The following VCP variants were observed in gnomAD, a reference collection of about 807,000 sequenced individuals.
VCP encodes the protein valosin containing protein.
VCP carries 6 observed loss-of-function variants against 85.7 expected under a neutral mutation model. The ratio of observed to expected loss-of-function variants is 0.07; its 90% CI spans 0.04 to 0.14. The LOEUF (loss-of-function observed/expected upper bound fraction) is 0.14. VCP is among the 10% of genes least tolerant of loss of function. VCP has a pLI of 1.00. For missense variants in VCP, 353 were observed against 1,043.4 expected, an observed-to-expected ratio of 0.34 and a Z score of 9.12; for synonymous variants, 384 against 367.1, an observed-to-expected ratio of 1.05 and a Z score of -0.53.
chr9:35,059,431 A>G lies in VCP; in HGVS notation c.2004+62T>C. 2.5e-6 allele frequency: 4 copies of G among 1,597,768 alleles called. No homozygotes were observed. The highest frequency in any genetic ancestry group is 1.1e-5 in the South Asian group (1 of 89,386). ...GTGGAATCTTGTCCAGAAACTAAAG[A>G]GCACTCCGTACCAGCCTGAGGACTC... is the stretch of plus-strand genomic sequence containing the variant. On this transcript the variant is annotated intron_variant, in intron 14 of 16. Transcript: ENST00000358901. This position sits in a 1 kb window ranked among gnomAD's most constrained non-coding sequence, Gnocchi z 4.9.
rs753820642 is a variant in VCP, at chr9:35,057,474, G to A, written c.2217C>T (p.Ala739=). The A allele has an allele frequency of 6.2e-7, 1 of 1,614,052 alleles. No homozygotes were observed. Among genetic ancestry groups the A allele is most frequent in the Non-Finnish European group, 8.5e-7 (1 of 1,180,042 alleles). ...TGACAGAACGGCGCGCAAAGCGCAT[G>A]GCTTCTTCAAAGTGATCTCGACGGA... is the stretch of plus-strand genomic sequence containing the variant. The part of the protein sequence containing the change: ...PEIRRDHFEE[A]MRFARRSVSD... Residue 739 remains alanine (A), a synonymous_variant, in exon 16 of 17, where the codon GCC becomes GCT. Coordinates refer to ENST00000358901, the MANE Select transcript of VCP (RefSeq NM_007126.5).
intron 1 of VCP, among the ~76,000 whole-genome samples, chr9:35,070,272 T>C (rs926615689): frequency 6.6e-6 from 1 of 152,094 alleles, no homozygotes; most frequent in Non-Finnish European, 1.5e-5. Context: ...ATCAACACAC[T>C]AGAGGCCAAG....
rs370700002 is a variant in VCP at position 35,065,385 on chromosome 9, C to A, written c.446-4G>T. On this transcript the variant is annotated splice_region_variant and splice_polypyrimidine_tract_variant and intron_variant, in intron 4 of 16. Coordinates refer to ENST00000358901, the MANE Select transcript of VCP (RefSeq NM_007126.5). ...CCACGGACAAGAAAAATGTCTCCTG[C>A]GAGAGCAAACAGTACAAGCACAGTT... 3 of 1,614,044 alleles carry A rather than the reference C, an allele frequency of 1.9e-6. No homozygotes were observed. The highest frequency in any genetic ancestry group is 1.7e-6 in the Non-Finnish European group (2 of 1,179,962).
Position 35,061,574 on chromosome 9 carries a change from C to T in VCP, c.1194+3G>A, listed in dbSNP as rs183223259. 265 of 1,613,382 alleles carry T rather than the reference C, an allele frequency of 1.6e-4. No individual in the cohort carries two copies. Among genetic ancestry groups the T allele is most frequent in the Non-Finnish European group, 1.8e-4 (209 of 1,179,254 alleles). On this transcript the variant is annotated splice_donor_region_variant and intron_variant, in intron 10 of 16. Transcript: ENST00000358901. ...GCCTGGTCAGCCATCATCATCACTT[C>T]ACCTGTTCCAGGTCCACATCATCTG...
intron 1 of VCP, 45 bp downstream of exon 1, chr9:35,072,292 C>T: frequency 1.3e-6 from 2 of 1,483,212 alleles, no homozygotes; most frequent in South Asian, 1.3e-5. Flanking sequence ...GCGGCTGGTC[C>T]CGGTGCGCGC....
intron 1 of VCP, among the ~76,000 whole-genome samples, chr9:35,069,664 C>T (rs1432623757): frequency 6.6e-6 from 1 of 152,118 alleles, no homozygotes; most frequent in African/African-American, 2.4e-5. Flanking sequence ...GGTGGTCAGG[C>T]TGGTCTCGAA....
chr9:35,062,206 T>G lies in VCP; in HGVS notation c.945+11A>C. Reference sequence around the variant, plus strand: ...TTCAACCCCCCTCTATCCCCTCAGGTAAGCTCCTACTTTCTCTCTTTTGGG... The same window carrying G: ...TTCAACCCCCCTCTATCCCCTCAGGGAAGCTCCTACTTTCTCTCTTTTGGG... On this transcript the variant is annotated intron_variant, in intron 8 of 16. Coordinates refer to ENST00000358901, the MANE Select transcript of VCP (RefSeq NM_007126.5). 1 of 1,614,088 alleles carries G rather than the reference T, an allele frequency of 6.2e-7. No homozygotes were observed. The highest frequency in any genetic ancestry group is 8.5e-7 in the Non-Finnish European group (1 of 1,180,012).
intron 3 of VCP, 115 bp downstream of exon 3, chr9:35,067,776 T>G: frequency 7.3e-7 from 1 of 1,374,922 alleles, no homozygotes; most frequent in South Asian, 1.2e-5. Context: ...ACCAGGAGGC[T>G]TCCTGCATCG....
At chr9:35,057,676 A>C (rs1164006814) in intron 15 of VCP, 146 bp from the exon 16 acceptor site, 2 of 1,094,870 alleles carry the variant, frequency 1.8e-6, no homozygotes, top group Non-Finnish European at 2.8e-6. Flanking sequence ...CCTAAAATTG[A>C]GTCACTGCTC....
chr9:35,056,966 CCT>C lies in VCP; in HGVS notation c.*149_*150del, dbSNP rs1828620039. On this transcript the variant is annotated 3_prime_UTR_variant, in exon 17 of 17. Transcript: ENST00000358901. ...TTTTGTATTTTTGCAACAGAAACCC[CCT>C]GTCCAGAGTCAGACTGTAGCTGAAC... is the stretch of plus-strand genomic sequence containing the variant. 2.6e-6 allele frequency: 2 copies of C among 774,414 alleles called. No homozygotes were observed. Among genetic ancestry groups the C allele is most frequent in the African/African-American group, 1.7e-5 (1 of 58,190 alleles). 48.0% of individuals were successfully genotyped at this position (774,414 alleles called of 1,614,324 possible).
rs1210002821 is a variant in VCP, at chr9:35,062,964, A to G, written c.811+14T>C. 22 of 1,613,630 alleles carry G rather than the reference A, an allele frequency of 1.4e-5. No homozygotes were observed. The highest frequency in any genetic ancestry group is 1.8e-5 in the Non-Finnish European group (21 of 1,179,718). ...TTGGGTCTAGCTAGACATAAGATGA[A>G]CCAAATATCTCACCATTGATCAAGA... On this transcript the variant is annotated intron_variant, in intron 7 of 16. Transcript: ENST00000358901.
At position 35,072,474 on chromosome 9, in the gene VCP, A is replaced by C; in HGVS notation, c.-121T>G. ...AGGCGGTGGGCGAGCAGCGGCGACA[A>C]ACCCGCAAGCGGCTTCCCTCTCGCT... is the stretch of plus-strand genomic sequence containing the variant. On this transcript the variant is annotated 5_prime_UTR_variant, in exon 1 of 17. Transcript: ENST00000358901. 7.8e-7 allele frequency: 1 copy of C among 1,279,168 alleles called. No individual in the cohort carries two copies. The highest frequency in any genetic ancestry group is 1.0e-6 in the Non-Finnish European group (1 of 988,004). The allele number at this position is 1,279,168 out of a possible 1,614,324, so 79.2% of individuals were successfully genotyped here.
chr9:35,071,874 G>C (rs1361106408), intron 1 of VCP: 5 of 995,052 alleles, frequency 5.0e-6, no homozygotes, highest in Non-Finnish European at 6.0e-6. Flanking sequence ...TTCACATGGC[G>C]CAAAGTCCAC....
At position 35,071,293 on chromosome 9, in the gene VCP, G is replaced by GTTTT. The variant is rs869178164; in HGVS notation, c.17+1040_17+1043dup. 1.1e-3 allele frequency among the ~76,000 whole-genome samples: 77 copies of GTTTT among 69,112 alleles called. 10 individuals are homozygous for GTTTT. Among genetic ancestry groups the GTTTT allele is most frequent in the African/African-American group, 3.7e-3 (66 of 17,696 alleles). The allele number at this position is 69,112 out of a possible 152,430, so 45.3% of individuals were successfully genotyped here. ...CATAGAGTTTCCTTGGGCTGGCTGT[G>GTTTT]TTTTTTTTTTTTTTTTTTTTTTTTT... On this transcript the variant is annotated intron_variant, in intron 1 of 16. Coordinates refer to ENST00000358901, the MANE Select transcript of VCP (RefSeq NM_007126.5).
chr9:35,071,297 T>TG, intron 1 of VCP, among the ~76,000 whole-genome samples: 2 of 25,826 alleles, frequency 7.7e-5, no homozygotes, highest in Non-Finnish European at 1.5e-4. Flanking sequence ...GGCTGTGTTT[T>TG]TTTTTTTTTT....
rs1298745897 is a variant in VCP at position 35,059,006 on chromosome 9, G to A, written c.2160+58C>T. ...TCTACTCTCAACTCCAGGGCATGGTGGTGGCTGCTGCCTGGCTCTCCATGA... is the reference window on the plus strand; with the variant it reads ...TCTACTCTCAACTCCAGGGCATGGTAGTGGCTGCTGCCTGGCTCTCCATGA... On this transcript the variant is annotated intron_variant, in intron 15 of 16. Transcript: ENST00000358901. The surrounding 1 kb of genome is among the most constrained non-coding windows in gnomAD (Gnocchi z 4.9). 9 of 1,608,096 alleles carry A rather than the reference G, an allele frequency of 5.6e-6. No individual in the cohort carries two copies. The highest frequency in any genetic ancestry group is 7.6e-6 in the Non-Finnish European group (9 of 1,178,422).
chr9:35,069,383 C>A (rs573469169), intron 1 of VCP, among the ~76,000 whole-genome samples: 2 of 151,624 alleles, frequency 1.3e-5, no homozygotes, highest in South Asian at 4.2e-4. Flanking sequence ...GACAGTGACA[C>A]CAACTTATTA....
chr9:35,069,846 G>T (rs1308695529), intron 1 of VCP, among the ~76,000 whole-genome samples: 2 of 152,186 alleles, frequency 1.3e-5, no homozygotes, highest in Non-Finnish European at 2.9e-5. Flanking sequence ...AGGAAGCAAA[G>T]AAAATAAATT....
chr9:35,056,846 T>G lies in VCP; in HGVS notation c.*271A>C. On this transcript the variant is annotated 3_prime_UTR_variant, in exon 17 of 17. Transcript: ENST00000358901. ...ACAGGTCCCCTGCACTGCCCCAAAC[T>G]ACAACAGAAATGGCATAGGCCCAAG... The G allele has an allele frequency of 2.3e-6, 1 of 431,834 alleles. No individual in the cohort carries two copies. The highest frequency in any genetic ancestry group is 2.0e-5 in the South Asian group (1 of 49,354). 26.8% of individuals were successfully genotyped at this position (431,834 alleles called of 1,614,324 possible).
Sources: gnomAD v4.1 joint callset for allele counts (sites outside exome capture counted in the v4.1 genomes callset) on GRCh38, gnomAD v4.1.1 for gene constraint, Gnocchi (gnomAD v3.1) non-coding constraint, MANE v1.5 for transcripts, NCBI Gene and HGNC (gene_info 2026-07-23, HGNC 2026-07-21) for gene names.